CSNK1G3: variants seen among roughly 807,000 people sequenced by gnomAD.
CSNK1G3 encodes casein kinase I isoform gamma-3.
In CSNK1G3, 23 loss-of-function variants were observed where a neutral mutation model predicts 64.3. That is an observed-to-expected ratio of 0.36 (90% CI 0.26 to 0.51). CSNK1G3 has a LOEUF of 0.51. CSNK1G3 is among the 20% of genes least tolerant of loss of function. The pLI, the probability that CSNK1G3 is intolerant of heterozygous loss-of-function variation, is 0.96. For synonymous variants in CSNK1G3, 158 were observed against 162.2 expected (o/e 0.97, Z 0.20); for missense variants, 357 against 510.5 (o/e 0.70, Z 2.90).
intron 4 of CSNK1G3, among the ~76,000 whole-genome samples, chr5:123,566,926 C>T (rs151336013): frequency 1.3e-5 from 2 of 151,892 alleles, no homozygotes; most frequent in Non-Finnish European, 2.9e-5. Context: ...CTTTTCTATT[C>T]GTATGTATGT....
intron 1 of CSNK1G3, among the ~76,000 whole-genome samples, chr5:123,533,239 C>A (rs550102700): frequency 6.6e-6 from 1 of 151,984 alleles, no homozygotes; most frequent in East Asian, 1.9e-4. Flanking sequence ...TACCTATTTC[C>A]CATTAACAGC....
chr5:123,579,863 A>T (rs888149171), intron 6 of CSNK1G3, among the ~76,000 whole-genome samples: 2 of 151,942 alleles, frequency 1.3e-5, no homozygotes, highest in African/African-American at 4.8e-5. Flanking sequence ...CTCAGTTTTC[A>T]TGTAAAACTC....
At chr5:123,525,114 A>G (rs564377184) in intron 1 of CSNK1G3, among the ~76,000 whole-genome samples, 2 of 152,158 alleles carry the variant, frequency 1.3e-5, no homozygotes, top group Non-Finnish European at 2.9e-5. Flanking sequence ...GCTCATTTAA[A>G]CTATGTGATG....
intron 1 of CSNK1G3, among the ~76,000 whole-genome samples, chr5:123,519,734 G>A (rs999494197): frequency 9.9e-5 from 15 of 152,134 alleles, no homozygotes; most frequent in African/African-American, 3.6e-4. Context: ...GTTGGTAAGG[G>A]GTTGGGGAGG....
chr5:123,587,681 A>T (rs1791582068), intron 6 of CSNK1G3, among the ~76,000 whole-genome samples: 1 of 152,198 alleles, frequency 6.6e-6, no homozygotes, highest in African/African-American at 2.4e-5. Context: ...TGAAAAAGTT[A>T]AACATTTTAA....
rs192495161 is a variant in CSNK1G3 at position 123,530,052 on chromosome 5, A to G, written c.-247-15365A>G. Among the ~76,000 whole-genome samples, 392 of 151,414 alleles carry G rather than the reference A, an allele frequency of 2.6e-3. 7 individuals are homozygous for G. Among genetic ancestry groups the G allele is most frequent in the African/African-American group, 8.6e-3 (355 of 41,232 alleles). On this transcript the variant is annotated intron_variant, in intron 1 of 12. Coordinates refer to ENST00000345990, the Ensembl canonical transcript of CSNK1G3. ...TTTTGAGATGTGTTCGGGCCACTGC[A>G]CTCCAGCCTGGGTGACAAAGTGAGA...
chr5:123,608,543 T>C (rs533127985), intron 12 of CSNK1G3, among the ~76,000 whole-genome samples: 31 of 152,308 alleles, frequency 2.0e-4, no homozygotes, highest in African/African-American at 7.5e-4. Flanking sequence ...GAAACCATCC[T>C]TTATTCTTTC....
exon 13 of CSNK1G3, chr5:123,614,540 G>T: frequency 2.8e-5 from 17 of 613,782 alleles, no homozygotes; most frequent in South Asian, 1.4e-4. Context: ...TTCATTTTGT[G>T]GTTGTCTTAC....
chr5:123,593,935 T>G (rs1792922378), intron 10 of CSNK1G3, among the ~76,000 whole-genome samples: 1 of 152,076 alleles, frequency 6.6e-6, no homozygotes, highest in African/African-American at 2.4e-5. Flanking sequence ...TGACTTTGTT[T>G]GAAAAAGAAA....
chr5:123,535,479 G>C (rs573344160), intron 1 of CSNK1G3, among the ~76,000 whole-genome samples: 1 of 151,826 alleles, frequency 6.6e-6, no homozygotes, highest in East Asian at 1.9e-4. Flanking sequence ...TAGGTGCTAT[G>C]GTAGGGAAAA....
chr5:123,531,916 T>C (rs947387912), intron 1 of CSNK1G3, among the ~76,000 whole-genome samples: 2 of 152,052 alleles, frequency 1.3e-5, no homozygotes, highest in Non-Finnish European at 3.0e-5. Flanking sequence ...CAGTAGTTTT[T>C]ATTTTAATGG....
At chr5:123,565,052 A>C (rs188130620) in intron 4 of CSNK1G3, among the ~76,000 whole-genome samples, 347 of 152,342 alleles carry the variant, frequency 2.3e-3, no homozygotes, top group Admixed American at 3.8e-3. Context: ...TTTAAAATAA[A>C]AATAATAATT....
chr5:123,562,981 A>C (rs1786074775), intron 4 of CSNK1G3, among the ~76,000 whole-genome samples: 1 of 151,972 alleles, frequency 6.6e-6, no homozygotes, highest in African/African-American at 2.4e-5. Flanking sequence ...TTATGGGAAA[A>C]TTGTTTTTGG....
At chr5:123,513,597 TA>T (rs1413815886) in intron 1 of CSNK1G3, among the ~76,000 whole-genome samples, 4 of 152,176 alleles carry the variant, frequency 2.6e-5, no homozygotes, top group Admixed American at 6.5e-5. Context: ...ATTAAGAAAA[TA>T]AGTCATTATT....
Position 123,572,034 on chromosome 5 carries a change from A to T in CSNK1G3, c.290-1359A>T, listed in dbSNP as rs935452485. 5.9e-5 allele frequency among the ~76,000 whole-genome samples: 9 copies of T among 152,352 alleles called. No individual in the cohort carries two copies. In the East Asian group the frequency reaches 1.5e-3, roughly 26 times the overall value. On this transcript the variant is annotated intron_variant, in intron 4 of 12. Transcript: ENST00000345990. ...GAGAGAGTTACCCTTGGCTACAAGG[A>T]TCATTAACAAGAATGGCCTCAGTCT... is the stretch of plus-strand genomic sequence containing the variant.
intron 10 of CSNK1G3, among the ~76,000 whole-genome samples, chr5:123,602,578 G>A (rs1420348590): frequency 6.6e-6 from 1 of 152,188 alleles, no homozygotes; most frequent in Non-Finnish European, 1.5e-5. Context: ...TAGTGGGTAG[G>A]AGGGGCATCA....
chr5:123,514,263 C>T (rs1776753279), intron 1 of CSNK1G3, among the ~76,000 whole-genome samples: 2 of 152,120 alleles, frequency 1.3e-5, no homozygotes, highest in Admixed American at 1.3e-4. Context: ...TATAGTCATC[C>T]ACCCCCTTCT....
intron 10 of CSNK1G3, among the ~76,000 whole-genome samples, chr5:123,592,987 A>G (rs1402106496): frequency 1.3e-5 from 2 of 151,958 alleles, no homozygotes; most frequent in Non-Finnish European, 2.9e-5. Context: ...TTAATACGGT[A>G]TTCTTTGAAA....
chr5:123,552,937 C>A (rs113338734), intron 2 of CSNK1G3, 170 bp from the exon 3 acceptor site: 6 of 403,390 alleles, frequency 1.5e-5, no homozygotes, highest in South Asian at 5.3e-5. Context: ...CTAAATACAT[C>A]GAGTTGATAA....
Sources: gnomAD v4.1 joint callset for allele counts (sites outside exome capture counted in the v4.1 genomes callset) on GRCh38, gnomAD v4.1.1 for gene constraint, MANE v1.5 for transcripts, NCBI Gene and HGNC (gene_info 2026-07-23, HGNC 2026-07-21) for gene names.